Variants in PDZD2 observed in about 807,000 individuals in gnomAD.
The protein encoded by PDZD2 is PDZ domain-containing protein 2.
In PDZD2, 90 loss-of-function variants were observed where a neutral mutation model predicts 220.7. That is an observed-to-expected ratio of 0.41 (90% CI 0.34 to 0.49). PDZD2 has a LOEUF of 0.49. Among genes scored for constraint, PDZD2 ranks in the 20% least tolerant of loss-of-function variants. The pLI, the probability that PDZD2 is intolerant of heterozygous loss-of-function variation, is 0.28. For missense variants in PDZD2, 3,174 were observed against 3,608.5 expected, an observed-to-expected ratio of 0.88 and a Z score of 3.08; for synonymous variants, 1,375 against 1,450.5, an observed-to-expected ratio of 0.95 and a Z score of 1.18.
chr5:32,064,029 ACT>A (rs1298685721), intron 14 of PDZD2, among the ~76,000 whole-genome samples: 2 of 152,068 alleles, frequency 1.3e-5, no homozygotes, highest in African/African-American at 2.4e-5. Flanking sequence ...TCAGCGTCAC[ACT>A]CTTGGACCCA....
chr5:32,028,237 C>T (rs1367037682), intron 6 of PDZD2, among the ~76,000 whole-genome samples: 1 of 152,180 alleles, frequency 6.6e-6, no homozygotes, highest in Non-Finnish European at 1.5e-5. Context: ...AGGATTGCGA[C>T]ATGCTATTAG....
At chr5:31,905,222 C>T (rs1742535495) in intron 2 of PDZD2, among the ~76,000 whole-genome samples, 1 of 152,072 alleles carries the variant, frequency 6.6e-6, no homozygotes, top group South Asian at 2.1e-4. Flanking sequence ...CTCAGGTGAT[C>T]CACCGCCCTC....
At chr5:31,673,147 C>T (rs1465797629) in intron 1 of PDZD2, among the ~76,000 whole-genome samples, 2 of 152,290 alleles carry the variant, frequency 1.3e-5, no homozygotes, top group Admixed American at 1.3e-4. Context: ...AGTGGCAGGG[C>T]TCCCCTGGGA....
In PDZD2 at chr5:32,089,333, C is replaced by T; in HGVS notation, c.5885C>T (p.Pro1962Leu). The change falls in exon 20 of 25, where the codon CCA (proline) becomes CTA (leucine). Residue 1962 changes from proline (P) to leucine (L), a missense_variant. Pro to Leu is a moderately conservative substitution (Grantham distance 98). Around this residue, in one of 4 missense-constraint regions of PDZD2, gnomAD observed 1,861 missense variants for 2,001.0 expected, o/e 0.93. Transcript: ENST00000438447. ...RSPQCVLESK[P>L]PLATSGPLKP... ...CCCCAGTGTGTGCTGGAAAGCAAGC[C>T]ACCTCTTGCCACCTCTGGGCCACTG... The T allele has an allele frequency of 6.2e-7, 1 of 1,614,120 alleles. No individual in the cohort carries two copies. The highest frequency in any genetic ancestry group is 8.5e-7 in the Non-Finnish European group (1 of 1,180,030).
chr5:32,003,103 CCCCACAAACACACCACGCGCCACACA>C (rs1752402311), intron 5 of PDZD2, among the ~76,000 whole-genome samples: 1 of 123,942 alleles, frequency 8.1e-6, no homozygotes. Context: ...CACACACACA[CCCCACAAACACACCACGCGCCACACA>C]CACACCACAC....
intron 7 of PDZD2, among the ~76,000 whole-genome samples, chr5:32,041,470 G>T (rs1302498947): frequency 1.3e-5 from 2 of 152,048 alleles, no homozygotes; most frequent in African/African-American, 2.4e-5. Flanking sequence ...GTAGACATAG[G>T]AGACTCCATT....
intron 7 of PDZD2, among the ~76,000 whole-genome samples, chr5:32,046,931 T>A (rs1028890490): frequency 6.6e-6 from 1 of 152,044 alleles, no homozygotes. Flanking sequence ...TAATCCCAGC[T>A]ACTCGGGAAA....
chr5:32,096,070 T>C (rs1233838340), intron 21 of PDZD2, among the ~76,000 whole-genome samples: 1 of 151,904 alleles, frequency 6.6e-6, no homozygotes, highest in Non-Finnish European at 1.5e-5. Context: ...AAATATTGTC[T>C]CTTTGCTCCC....
chr5:32,105,775 G>C (rs1744704894), intron 24 of PDZD2, among the ~76,000 whole-genome samples: 1 of 152,244 alleles, frequency 6.6e-6, no homozygotes, highest in South Asian at 2.1e-4. Flanking sequence ...AAAAATCTAT[G>C]AGTAAATGGA....
chr5:31,833,467 CAAAAAAAAAAGAAAA>C (rs1194326597), intron 2 of PDZD2, among the ~76,000 whole-genome samples: 1 of 148,946 alleles, frequency 6.7e-6, no homozygotes, highest in Non-Finnish European at 1.5e-5. Flanking sequence ...GACCCTGTCT[CAAAAAAAAAAGAAAA>C]AAAAAAAAAA....
chr5:31,989,421 C>CTTTTTTTT lies in PDZD2; in HGVS notation c.978+5777_978+5784dup, dbSNP rs869045113. ...TGTGGTATATACCACATTTTCTTTT[C>CTTTTTTTT]TTTTTTTTTTTTTTTTTTTGAGACG... On this transcript the variant is annotated intron_variant, in intron 3 of 24. Coordinates refer to ENST00000438447, the MANE Select transcript of PDZD2 (RefSeq NM_178140.4). Among the ~76,000 whole-genome samples the CTTTTTTTT allele has an allele frequency of 8.0e-4, 96 of 119,898 alleles. 1 individual carries two copies. Among genetic ancestry groups the CTTTTTTTT allele is most frequent in the Non-Finnish European group, 1.3e-3 (78 of 59,344 alleles). 78.7% of individuals were successfully genotyped at this position (119,898 alleles called of 152,430 possible). A position where few individuals can be genotyped will look rare whatever the true frequency, so the allele number is the denominator to read the frequency against.
chr5:32,100,960 A>G (rs750365123), intron 23 of PDZD2, 145 bp from the exon 24 acceptor site: 266 of 1,602,384 alleles, frequency 1.7e-4, no homozygotes, highest in Non-Finnish European at 1.9e-4. Flanking sequence ...AAGTGCTGTT[A>G]TAAGTAAGTA....
chr5:31,854,979 CCG>C (rs1299297568), intron 2 of PDZD2: 1 of 985,326 alleles, frequency 1.0e-6, no homozygotes, highest in Non-Finnish European at 1.2e-6. Flanking sequence ...CCTGCAGGAG[CCG>C]CGTTCCAGGA....
At position 32,039,450 on chromosome 5, in the gene PDZD2, C is replaced by T. The variant is rs537928654; in HGVS notation, c.1519+2108C>T. The stretch of plus-strand genomic sequence containing the variant: ...GGAATGCAGTGGCGTAATCTCAGCT[C>T]GCTACAACCTCCACCTCCCAGCCGC... On this transcript the variant is annotated intron_variant, in intron 7 of 24. Coordinates refer to ENST00000438447, the MANE Select transcript of PDZD2 (RefSeq NM_178140.4). Among the ~76,000 whole-genome samples, 37 of 152,292 alleles carry T rather than the reference C, an allele frequency of 2.4e-4. 1 individual carries two copies. The East Asian group carries it at 5.4e-3, about 22-fold the overall frequency.
chr5:32,028,053 T>G (rs542084891), intron 6 of PDZD2, among the ~76,000 whole-genome samples: 2 of 152,294 alleles, frequency 1.3e-5, no homozygotes, highest in South Asian at 4.2e-4. Context: ...TTTTCTTTTT[T>G]TTTCAAGTCT....
At chr5:31,880,064 C>T (rs1739726165) in intron 2 of PDZD2, among the ~76,000 whole-genome samples, 1 of 151,870 alleles carries the variant, frequency 6.6e-6, no homozygotes, top group South Asian at 2.1e-4. Context: ...CAGGCGCCCA[C>T]CACCACCACC....
At chr5:32,001,658 C>G (rs1752116638) in intron 5 of PDZD2, among the ~76,000 whole-genome samples, 1 of 152,208 alleles carries the variant, frequency 6.6e-6, no homozygotes, top group Non-Finnish European at 1.5e-5. Context: ...AATTCTGAGC[C>G]TCAGCATCTC....
Position 32,089,759 on chromosome 5 carries a change from T to C in PDZD2, c.6311T>C (p.Val2104Ala), listed in dbSNP as rs1742899063. 1 of 1,614,174 alleles carries C rather than the reference T, an allele frequency of 6.2e-7. No homozygotes were observed. Among genetic ancestry groups the C allele is most frequent in the Non-Finnish European group, 8.5e-7 (1 of 1,180,026 alleles). Residue 2104 changes from valine (V) to alanine (A), a missense_variant, in exon 20 of 25, where the codon GTA (valine) becomes GCA (alanine). Coordinates refer to ENST00000438447, the MANE Select transcript of PDZD2 (RefSeq NM_178140.4). ...EISAEAVSET[V>A]CGNKPAESDR... ...TCTGCTGAAGCAGTGTCAGAGACTGTATGTGGTAACAAGCCAGCTGAAAGC... is the reference window on the plus strand; with the variant it reads ...TCTGCTGAAGCAGTGTCAGAGACTGCATGTGGTAACAAGCCAGCTGAAAGC...
chr5:31,896,977 T>G (rs1032766376), intron 2 of PDZD2, among the ~76,000 whole-genome samples: 5 of 152,164 alleles, frequency 3.3e-5, no homozygotes, highest in Non-Finnish European at 7.4e-5. Context: ...GAAAACTTCT[T>G]TTATAGCAAT....
Sources: allele counts gnomAD v4.1 joint callset (sites outside exome capture counted in the v4.1 genomes callset), GRCh38; gene constraint gnomAD v4.1.1; regional missense constraint gnomAD v4.1.1; transcripts MANE v1.5; gene names NCBI Gene and HGNC (gene_info 2026-07-23, HGNC 2026-07-21).